Variants in KRT12 observed in about 807,000 individuals in gnomAD.
KRT12 encodes keratin, type I cytoskeletal 12.
A neutral mutation model predicts 50.2 loss-of-function variants in KRT12; 43 were observed. The ratio of observed to expected loss-of-function variants is 0.86; its 90% CI spans 0.67 to 1.11. KRT12 has a LOEUF of 1.11. KRT12 is among the 50% of genes least tolerant of loss of function. The pLI, the probability that KRT12 is intolerant of heterozygous loss-of-function variation, is 0.00. For missense variants in KRT12, 588 were observed against 625.6 expected (o/e 0.94, Z 0.64); for synonymous variants, 257 against 253.6 (o/e 1.01, Z -0.13).
In KRT12 at chr17:40,863,072, C is replaced by T. The variant is rs1212011268; in HGVS notation, c.1316+51G>A. The T allele has an allele frequency of 2.0e-6, 3 of 1,480,736 alleles. No homozygotes were observed. Among genetic ancestry groups the T allele is most frequent in the South Asian group, 2.3e-5 (2 of 88,412 alleles). The allele number at this position is 1,480,736 out of a possible 1,614,324, so 91.7% of individuals were successfully genotyped here. On this transcript the variant is annotated intron_variant, in intron 6 of 7. Transcript: ENST00000251643. The surrounding 1 kb of genome is among the most constrained non-coding windows in gnomAD (Gnocchi z 4.2). ...ACCCCATTCCTTCTATTTCTGCTGC[C>T]CACTCTTGGTCAGCCCCTGAAGGTG... is the stretch of plus-strand genomic sequence containing the variant.
intron 7 of KRT12, 79 bp downstream of exon 7, chr17:40,862,485 TA>T: frequency 1.1e-6 from 1 of 885,830 alleles, no homozygotes. Flanking sequence ...AATAATGCAG[TA>T]GTCAATGAGG....
Position 40,863,529 on chromosome 17 carries a change from C to T in KRT12, c.1051G>A (p.Ala351Thr), listed in dbSNP as rs775198917. 1.9e-6 allele frequency: 3 copies of T among 1,614,246 alleles called. No individual in the cohort carries two copies. Among genetic ancestry groups the T allele is most frequent in the Middle Eastern group, 1.6e-4 (1 of 6,062 alleles). Residue 351 changes from alanine to threonine, a missense_variant, in exon 5 of 8, where the codon GCC becomes ACC. By Grantham distance (58) the Ala-to-Thr change is moderately conservative (BLOSUM62 0). Coordinates refer to ENST00000251643, the MANE Select transcript of KRT12 (RefSeq NM_000223.4). This position sits in a 1 kb window ranked among gnomAD's most constrained non-coding sequence, Gnocchi z 4.2. ...SKSEVTDLRR[A>T]FQNLEIELQS... ...AGCTCGATCTCCAGGTTCTGAAAGG[C>T]GCGACGCAGGTCGGTGACCTCGCTC...
At position 40,864,866 on chromosome 17, in the gene KRT12, C is replaced by T; in HGVS notation, c.747G>A (p.Leu249=). The part of the protein sequence containing the change: ...LDELTLTRTD[L]EMQIESLNEE... ...CGTTCAGGCTCTCGATCTGCATCTC[C>T]AGGTCGGTCCTGGTCAGGGTCAGCT... The change falls in exon 3 of 8, where the codon CTG becomes CTA. Residue 249 remains leucine, a synonymous_variant. Coordinates refer to ENST00000251643, the MANE Select transcript of KRT12 (RefSeq NM_000223.4). 1 of 1,614,252 alleles carries T rather than the reference C, an allele frequency of 6.2e-7. No homozygotes were observed. Among genetic ancestry groups the T allele is most frequent in the South Asian group, 1.1e-5 (1 of 91,088 alleles).
chr17:40,865,336 C>T (rs558462071), intron 2 of KRT12, among the ~76,000 whole-genome samples: 63 of 152,292 alleles, frequency 4.1e-4, no homozygotes, highest in Middle Eastern at 3.4e-3. Flanking sequence ...TTTTGCTTAA[C>T]GTTCTTCATG....
At position 40,866,756 on chromosome 17, in the gene KRT12, C is replaced by T. The variant is rs747463822; in HGVS notation, c.431G>A (p.Arg144Gln). The T allele has an allele frequency of 1.2e-5, 19 of 1,614,038 alleles. No homozygotes were observed. Among genetic ancestry groups the T allele is most frequent in the Non-Finnish European group, 1.4e-5 (17 of 1,180,042 alleles). Residue 144 changes from arginine (R) to glutamine (Q), a missense_variant, in exon 1 of 8, where the codon CGA (arginine) becomes CAA (glutamine). By Grantham distance (43) the Arg-to-Gln change is conservative. Coordinates refer to ENST00000251643, the MANE Select transcript of KRT12 (RefSeq NM_000223.4). Reference sequence around the variant, plus strand: ...CTCAGTATTAGCCTCTTCTAGAGCTCGCACCTTATCCAGGTAGGAAGCTAA... The same window carrying T: ...CTCAGTATTAGCCTCTTCTAGAGCTTGCACCTTATCCAGGTAGGAAGCTAA... Reference protein sequence around the residue: ...DRLASYLDKVRALEEANTELE... With the variant: ...DRLASYLDKVQALEEANTELE...
chr17:40,866,576 A>C, intron 1 of KRT12, 44 bp downstream of exon 1: 1 of 1,536,038 alleles, frequency 6.5e-7, no homozygotes, highest in South Asian at 1.1e-5. Context: ...TAATGGTAAA[A>C]AGGAAAAAAA....
rs200566964 is a variant in KRT12 at position 40,866,144 on chromosome 17, A to G, written c.650+11T>C. Reference sequence around the variant, plus strand: ...GGGACACGCCCATGATCTTCAGTTTATTCGACTCACTTCATCCTGAAGTCC... The same window carrying G: ...GGGACACGCCCATGATCTTCAGTTTGTTCGACTCACTTCATCCTGAAGTCC... On this transcript the variant is annotated intron_variant, in intron 2 of 7. Coordinates refer to ENST00000251643, the MANE Select transcript of KRT12 (RefSeq NM_000223.4). 5.1e-5 allele frequency: 82 copies of G among 1,606,568 alleles called. No homozygotes were observed. The East Asian group carries it at 1.7e-3, about 34-fold the overall frequency.
Position 40,866,722 on chromosome 17 carries a change from A to G in KRT12, c.465T>C (p.Asn155=), listed in dbSNP as rs2143269528. 6.2e-7 allele frequency: 1 copy of G among 1,614,130 alleles called. No individual in the cohort carries two copies. Among genetic ancestry groups the G allele is most frequent in the South Asian group, 1.1e-5 (1 of 91,082 alleles). The change falls in exon 1 of 8, where the codon AAT becomes AAC. Residue 155 remains asparagine, a synonymous_variant. Coordinates refer to ENST00000251643, the MANE Select transcript of KRT12 (RefSeq NM_000223.4). ...ALEEANTELE[N]KIREWYETRG... is the part of the protein sequence containing the mutation. The stretch of plus-strand genomic sequence containing the variant: ...GTGTTTCATACCATTCTCGAATTTT[A>G]TTTTCTAGCTCAGTATTAGCCTCTT...
chr17:40,863,919 GC>G lies in KRT12; in HGVS notation c.808-56del. On this transcript the variant is annotated intron_variant, in intron 3 of 7. Coordinates refer to ENST00000251643, the MANE Select transcript of KRT12 (RefSeq NM_000223.4). This position sits in a 1 kb window ranked among gnomAD's most constrained non-coding sequence, Gnocchi z 4.2. ...CAGGGGTCCATTGTGACTTTCGTGG[GC>G]CCTGGATACTTTTGTCCTCTTGGGC... 5 of 1,384,592 alleles carry G rather than the reference GC, an allele frequency of 3.6e-6. No homozygotes were observed. The highest frequency in any genetic ancestry group is 4.8e-6 in the Non-Finnish European group (5 of 1,046,832). 85.8% of individuals were successfully genotyped at this position (1,384,592 alleles called of 1,614,324 possible).
chr17:40,864,847 G>C lies in KRT12; in HGVS notation c.766C>G (p.Leu256Val). ...TTCATGTAGGCCAGCTCCTCGTTCA[G>C]GCTCTCGATCTGCATCTCCAGGTCG... The part of the protein sequence containing the change: ...RTDLEMQIES[L>V]NEELAYMKKN... Residue 256 changes from leucine to valine, a missense_variant, in exon 3 of 8, where the codon CTG becomes GTG. Coordinates refer to ENST00000251643, the MANE Select transcript of KRT12 (RefSeq NM_000223.4). 1.9e-6 allele frequency: 3 copies of C among 1,614,198 alleles called. No homozygotes were observed. The highest frequency in any genetic ancestry group is 2.5e-6 in the Non-Finnish European group (3 of 1,180,032).
chr17:40,865,715 C>T (rs1294413961), intron 2 of KRT12, among the ~76,000 whole-genome samples: 1 of 152,072 alleles, frequency 6.6e-6, no homozygotes, highest in Non-Finnish European at 1.5e-5. Context: ...GTAATCCCAG[C>T]TACTCGGGAG....
Position 40,863,586 on chromosome 17 carries a change from T to C in KRT12, c.994A>G (p.Ser332Gly), listed in dbSNP as rs1341599793. 2.5e-6 allele frequency: 4 copies of C among 1,614,108 alleles called. No homozygotes were observed. The African/African-American group carries it at 5.3e-5, about 22-fold the overall frequency. The change falls in exon 5 of 8, where the codon AGC becomes GGC. Residue 332 changes from serine (S) to glycine (G), a missense_variant. Transcript: ENST00000251643. The surrounding 1 kb of genome is among the most constrained non-coding windows in gnomAD (Gnocchi z 4.2). ...GACTGAAGCTGCTCGGTGTTGGTGCTAATCTCCTTACGGAGCTCCCCGCTC... is the reference window on the plus strand; with the variant it reads ...GACTGAAGCTGCTCGGTGTTGGTGCCAATCTCCTTACGGAGCTCCCCGCTC... ...EKSGELRKEI[S>G]TNTEQLQSSK...
Position 40,862,518 on chromosome 17 carries a change from A to C in KRT12, c.1387+47T>G, listed in dbSNP as rs771109360. ...GAGGTCTTACAGGTTTTGCATTAATAAATGTGATTCCGACTTATTCTAAGT... is the reference window on the plus strand; with the variant it reads ...GAGGTCTTACAGGTTTTGCATTAATCAATGTGATTCCGACTTATTCTAAGT... On this transcript the variant is annotated intron_variant, in intron 7 of 7. Transcript: ENST00000251643. 6.1e-6 allele frequency: 8 copies of C among 1,312,780 alleles called. No homozygotes were observed. In the South Asian group the frequency reaches 9.4e-5, roughly 15 times the overall value. 81.3% of individuals were successfully genotyped at this position (1,312,780 alleles called of 1,614,324 possible).
Position 40,862,718 on chromosome 17 carries a change from C to T in KRT12, c.1317-83G>A, listed in dbSNP as rs1906848248. 1.7e-5 allele frequency: 18 copies of T among 1,034,438 alleles called. No homozygotes were observed. The South Asian group carries it at 2.0e-4, about 12-fold the overall frequency. 64.1% of individuals were successfully genotyped at this position (1,034,438 alleles called of 1,614,324 possible). A position where few individuals can be genotyped will look rare whatever the true frequency, so the allele number is the denominator to read the frequency against. On this transcript the variant is annotated intron_variant, in intron 6 of 7. Coordinates refer to ENST00000251643, the MANE Select transcript of KRT12 (RefSeq NM_000223.4). ...AGATCTGGTCTGAGAAATTAGATTTCCCAATTTGTAGGCCTGAGTTCTTCC... is the reference window on the plus strand; with the variant it reads ...AGATCTGGTCTGAGAAATTAGATTTTCCAATTTGTAGGCCTGAGTTCTTCC...
At chr17:40,864,762 A>T (rs1188510890) in intron 3 of KRT12, 44 bp downstream of exon 3, 2 of 1,392,384 alleles carry the variant, frequency 1.4e-6, no homozygotes, top group African/African-American at 2.3e-5. Flanking sequence ...TGGGTCTGGG[A>T]GAAAAAAAAA....
chr17:40,863,182 C>A lies in KRT12; in HGVS notation c.1257G>T (p.Lys419Asn). The change falls in exon 6 of 8, where the codon AAG becomes AAT. Residue 419 changes from lysine to asparagine, a missense_variant. Physicochemically the swap from Lys to Asn is moderately conservative, Grantham distance 94 (BLOSUM62 0). Coordinates refer to ENST00000251643, the MANE Select transcript of KRT12 (RefSeq NM_000223.4). The surrounding 1 kb of genome is among the most constrained non-coding windows in gnomAD (Gnocchi z 4.2). ...TCTCAATCTCCAGCTCCAGGCGGGC[C>A]TTGACATTCAGCAGCCGCTGGTGGT... ...NVDHQRLLNVKARLELEIETY... is the reference protein window; with the variant it reads ...NVDHQRLLNVNARLELEIETY... 1 of 1,614,170 alleles carries A rather than the reference C, an allele frequency of 6.2e-7. No individual in the cohort carries two copies. Among genetic ancestry groups the A allele is most frequent in the Non-Finnish European group, 8.5e-7 (1 of 1,180,044 alleles).
intron 3 of KRT12, among the ~76,000 whole-genome samples, chr17:40,864,119 T>C (rs1366224810): frequency 6.6e-6 from 1 of 152,166 alleles, no homozygotes; most frequent in Admixed American, 6.5e-5. Context: ...TATTCATGGG[T>C]CCCTGAAATT....
In KRT12 at chr17:40,863,707, T is replaced by C. The variant is rs377505041; in HGVS notation, c.965A>G (p.Glu322Gly). ...AGCCTTTGTTGTTTGTGTTACCTTT[T>C]CAATGAACCAGGCTTCAGCGTCCTT... ...NRKDAEAWFIEKSGELRKEIS... is the reference protein window; with the variant it reads ...NRKDAEAWFIGKSGELRKEIS... The change falls in exon 4 of 8, where the codon GAA becomes GGA. Residue 322 changes from glutamate to glycine, a missense_variant. Glu to Gly is a moderately conservative substitution (Grantham distance 98). Coordinates refer to ENST00000251643, the MANE Select transcript of KRT12 (RefSeq NM_000223.4). The surrounding 1 kb of genome is among the most constrained non-coding windows in gnomAD (Gnocchi z 4.2). The C allele has an allele frequency of 6.2e-5, 100 of 1,613,962 alleles. No individual in the cohort carries two copies. The highest frequency in any genetic ancestry group is 7.6e-5 in the Non-Finnish European group (90 of 1,180,044).
At position 40,867,216 on chromosome 17, in the gene KRT12, G is replaced by A. The variant is rs771319088; in HGVS notation, c.-30C>T. On this transcript the variant is annotated 5_prime_UTR_variant, in exon 1 of 8. Transcript: ENST00000251643. Reference sequence around the variant, plus strand: ...TGGGGAAGGTGGCCACAACTGGAGAGGAAGTTGTGCCAGCAAGCCAGAAAG... The same window carrying A: ...TGGGGAAGGTGGCCACAACTGGAGAAGAAGTTGTGCCAGCAAGCCAGAAAG... The A allele has an allele frequency of 1.3e-6, 2 of 1,584,206 alleles. No homozygotes were observed. Among genetic ancestry groups the A allele is most frequent in the South Asian group, 2.2e-5 (2 of 90,720 alleles).
Sources: allele counts gnomAD v4.1 joint callset (sites outside exome capture counted in the v4.1 genomes callset), GRCh38; gene constraint gnomAD v4.1.1; non-coding constraint Gnocchi (gnomAD v3.1); transcripts MANE v1.5; gene names NCBI Gene and HGNC (gene_info 2026-07-23, HGNC 2026-07-21).